The following USP46 variants were observed in gnomAD, a reference collection of about 807,000 sequenced individuals.
USP46 encodes ubiquitin specific peptidase 46, also known as ubiquitin carboxyl-terminal hydrolase 46.
USP46 carries 12 observed loss-of-function variants against 44.4 expected under a neutral mutation model. The observed-to-expected ratio is 0.27, with a 90% CI of 0.17 to 0.44. USP46 has a LOEUF of 0.44. Among genes scored for constraint, USP46 ranks in the 20% least tolerant of loss-of-function variants. USP46 has a pLI of 1.00. For synonymous variants in USP46, 155 were observed against 161.5 expected (o/e 0.96, Z 0.31); for missense variants, 248 against 444.8 (o/e 0.56, Z 3.98).
chr4:52,632,899 GGA>G (rs1292655937), intron 1 of USP46, among the ~76,000 whole-genome samples: 2 of 62,002 alleles, frequency 3.2e-5, no homozygotes, highest in African/African-American at 9.5e-5. Context: ...AGGAAGGAAG[GGA>G]AAGAGAAAGA....
At chr4:52,640,762 C>T (rs963996651) in intron 1 of USP46, among the ~76,000 whole-genome samples, 4 of 149,852 alleles carry the variant, frequency 2.7e-5, no homozygotes, top group African/African-American at 9.9e-5. Flanking sequence ...GCCAAGATCA[C>T]GCCACGGCAC....
At position 52,659,059 on chromosome 4, in the gene USP46, C is replaced by A. The variant is rs1719070652; in HGVS notation, c.36+56G>T. 1 of 1,522,738 alleles carries A rather than the reference C, an allele frequency of 6.6e-7. No individual in the cohort carries two copies. The highest frequency in any genetic ancestry group is 2.1e-5 in the Admixed American group (1 of 47,530). The allele number at this position is 1,522,738 out of a possible 1,614,324, so 94.3% of individuals were successfully genotyped here. ...CGGGCGTGTGTGCAGCTCGGGCTTC[C>A]CTTTCTTTGCCTCGCCGCGAGTCGG... On this transcript the variant is annotated intron_variant, in intron 1 of 8. Coordinates refer to ENST00000441222, the MANE Select transcript of USP46 (RefSeq NM_022832.4). The surrounding 1 kb of genome is among the most constrained non-coding windows in gnomAD (Gnocchi z 4.2).
Position 52,597,618 on chromosome 4 carries a change from A to C in USP46, c.*22T>G. 1 of 1,516,120 alleles carries C rather than the reference A, an allele frequency of 6.6e-7. No homozygotes were observed. The highest frequency in any genetic ancestry group is 1.9e-5 in the Admixed American group (1 of 51,316). 93.9% of individuals were successfully genotyped at this position (1,516,120 alleles called of 1,614,324 possible). On this transcript the variant is annotated 3_prime_UTR_variant, in exon 9 of 9. Transcript: ENST00000441222. ...TGCTGTGAACATTCTCCCCACGTGA[A>C]TCAGTCCCGCAGGTCTTTCAGTTAC...
chr4:52,632,399 G>C (rs569462466), intron 1 of USP46, among the ~76,000 whole-genome samples: 52 of 152,246 alleles, frequency 3.4e-4, no homozygotes, highest in African/African-American at 1.3e-3. Context: ...GTAAAATAAG[G>C]CTCCATTTGT....
At chr4:52,600,605 C>T (rs1232070741) in intron 7 of USP46, among the ~76,000 whole-genome samples, 1 of 152,106 alleles carries the variant, frequency 6.6e-6, no homozygotes, top group African/African-American at 2.4e-5. Context: ...CTCTGCCAGT[C>T]CTCCCAAGGA....
intron 5 of USP46, among the ~76,000 whole-genome samples, chr4:52,607,676 C>A (rs1277357760): frequency 5.9e-5 from 9 of 152,278 alleles, no homozygotes. Flanking sequence ...AGTGGTTTAG[C>A]ACCATCCTCC....
At position 52,594,169 on chromosome 4, in the gene USP46, G is replaced by A. The variant is rs557640648; in HGVS notation, c.*3471C>T. ...TTACCCGGATATAATTCTCTAGAAA[G>A]AGAATTCCCATTTTATTCATTTATT... On this transcript the variant is annotated 3_prime_UTR_variant, in exon 9 of 9. Transcript: ENST00000441222. The A allele has an allele frequency of 6.6e-6, 1 of 152,162 alleles. No homozygotes were observed. Among genetic ancestry groups the A allele is most frequent in the African/African-American group, 2.4e-5 (1 of 41,436 alleles). 9.4% of individuals were successfully genotyped at this position (152,162 alleles called of 1,614,324 possible).
chr4:52,597,868 C>T, intron 8 of USP46, 127 bp from the exon 9 acceptor site: 1 of 682,400 alleles, frequency 1.5e-6, no homozygotes, highest in Non-Finnish European at 2.4e-6. Context: ...TCATTAGGAA[C>T]TTTCAATAGC....
chr4:52,607,859 G>T (rs1204105653), intron 5 of USP46, among the ~76,000 whole-genome samples: 2 of 152,190 alleles, frequency 1.3e-5, no homozygotes, highest in African/African-American at 4.8e-5. Flanking sequence ...AAGCCAAGCA[G>T]ATGCCAGCAC....
At chr4:52,643,791 A>G (rs1203192719) in intron 1 of USP46, among the ~76,000 whole-genome samples, 1 of 152,178 alleles carries the variant, frequency 6.6e-6, no homozygotes, top group African/African-American at 2.4e-5. Context: ...CATTCTACAC[A>G]TGAAAAAAAT....
intron 8 of USP46, 137 bp downstream of exon 8, chr4:52,598,491 G>T: frequency 1.1e-6 from 1 of 942,378 alleles, no homozygotes; most frequent in Non-Finnish European, 1.6e-6. Context: ...GCAGAATTTG[G>T]TTTTGAATAC....
At chr4:52,613,514 G>C (rs1257144243) in intron 4 of USP46, among the ~76,000 whole-genome samples, 2 of 152,028 alleles carry the variant, frequency 1.3e-5, no homozygotes, top group Non-Finnish European at 2.9e-5. Flanking sequence ...ACATGGTCAG[G>C]AGTTGGAGGC....
intron 4 of USP46, among the ~76,000 whole-genome samples, chr4:52,612,897 A>G (rs556036786): frequency 2.0e-5 from 3 of 152,276 alleles, no homozygotes; most frequent in South Asian, 4.1e-4. Context: ...TTTTATTTTT[A>G]TATGTTTACT....
At chr4:52,628,388 A>G in intron 2 of USP46, 1 of 495,174 alleles carries the variant, frequency 2.0e-6, no homozygotes, top group Non-Finnish European at 3.6e-6. Flanking sequence ...GTGCTTCTCT[A>G]GCCCATCAAA....
chr4:52,653,333 C>T (rs972910580), intron 1 of USP46, among the ~76,000 whole-genome samples: 4 of 151,760 alleles, frequency 2.6e-5, no homozygotes, highest in Non-Finnish European at 5.9e-5. Context: ...TGGTGAAACC[C>T]TATCTCTACT....
In USP46 at chr4:52,598,726, A is replaced by G. The variant is rs1296328178; in HGVS notation, c.921-20T>C. 1 of 1,589,928 alleles carries G rather than the reference A, an allele frequency of 6.3e-7. No individual in the cohort carries two copies. The highest frequency in any genetic ancestry group is 8.6e-7 in the Non-Finnish European group (1 of 1,166,690). ...GGACCACTGGAAAAGAACAAATAAA[A>G]GGCAGTTAGCAAGTTAACATTTATC... On this transcript the variant is annotated intron_variant, in intron 7 of 8. Transcript: ENST00000441222.
At chr4:52,636,476 G>A (rs963198187) in intron 1 of USP46, among the ~76,000 whole-genome samples, 4 of 152,038 alleles carry the variant, frequency 2.6e-5, no homozygotes, top group African/African-American at 9.7e-5. Context: ...GGGAGGCCAA[G>A]GCAGGCAGAT....
intron 1 of USP46, among the ~76,000 whole-genome samples, chr4:52,633,009 A>AG (rs1457439390): frequency 8.6e-5 from 11 of 127,282 alleles, no homozygotes; most frequent in African/African-American, 2.5e-4. Context: ...AAAGAAAGAA[A>AG]GAAAGAAAGA....
intron 1 of USP46, chr4:52,656,488 G>T: frequency 1.4e-6 from 2 of 1,453,592 alleles, no homozygotes; most frequent in Non-Finnish European, 9.0e-7. Context: ...TCCCACTCCA[G>T]CCTTCCTATA....
Sources: allele counts gnomAD v4.1 joint callset (sites outside exome capture counted in the v4.1 genomes callset), GRCh38; gene constraint gnomAD v4.1.1; non-coding constraint Gnocchi (gnomAD v3.1); transcripts MANE v1.5; gene names NCBI Gene and HGNC (gene_info 2026-07-23, HGNC 2026-07-21).